The following DOCK10 variants were observed in gnomAD, a reference collection of about 807,000 sequenced individuals.
The protein encoded by DOCK10 is dedicator of cytokinesis protein 10.
A neutral mutation model predicts 280.1 loss-of-function variants in DOCK10; 145 were observed. That is an observed-to-expected ratio of 0.52 (90% CI 0.45 to 0.59). The LOEUF (loss-of-function observed/expected upper bound fraction) is 0.59. Ranked by LOEUF, DOCK10 falls within the 20% of genes least tolerant of loss-of-function variation. The probability of loss-of-function intolerance (pLI) is 0.00; values close to 1 mark genes in which losing one functional copy is unlikely to be tolerated. For missense variants in DOCK10, 2,368 were observed against 2,651.7 expected, an observed-to-expected ratio of 0.89 and a Z score of 2.35; for synonymous variants, 915 against 942.2, an observed-to-expected ratio of 0.97 and a Z score of 0.53.
intron 1 of DOCK10, among the ~76,000 whole-genome samples, chr2:225,007,202 C>T (rs1388002036): frequency 6.6e-6 from 1 of 152,148 alleles, no homozygotes; most frequent in Admixed American, 6.5e-5. Flanking sequence ...ATTTCCTTTT[C>T]CCTGGCCTGA....
intron 25 of DOCK10, among the ~76,000 whole-genome samples, chr2:224,837,470 T>C (rs886759224): frequency 1.8e-4 from 27 of 152,254 alleles, no homozygotes; most frequent in African/African-American, 6.5e-4. Flanking sequence ...GTACTTGTAA[T>C]GTTGACTTCA....
chr2:224,797,894 CT>C lies in DOCK10; in HGVS notation c.4581del (p.Val1528SerfsTer8). On this transcript the variant is annotated frameshift_variant, in exon 42 of 56. Transcript: ENST00000258390. LOFTEE classifies it high-confidence loss of function. ...RVFDTYMLFF[Q>X]VNQSATALKH... Reference sequence around the variant, plus strand: ...TTCAGCGCTGTGGCTGACTGATTGACTTGGAAAAAGAGCATGTAGGTATCAA... The same window carrying C: ...TTCAGCGCTGTGGCTGACTGATTGACTGGAAAAAGAGCATGTAGGTATCAA... The C allele has an allele frequency of 1.2e-6, 2 of 1,613,816 alleles. No individual in the cohort carries two copies. The highest frequency in any genetic ancestry group is 1.7e-6 in the Non-Finnish European group (2 of 1,179,800).
rs536089274 is a variant in DOCK10 at position 225,035,939 on chromosome 2, T to A, written c.123+6313A>T. On this transcript the variant is annotated intron_variant, in intron 1 of 55. Transcript: ENST00000258390. ...TAAGAGGTCCACTCTCATGACCGAATCTACCCCTAATTACCTCCCAAAGGC... is the reference window on the plus strand; with the variant it reads ...TAAGAGGTCCACTCTCATGACCGAAACTACCCCTAATTACCTCCCAAAGGC... Among the ~76,000 whole-genome samples, 8 of 152,052 alleles carry A rather than the reference T, an allele frequency of 5.3e-5. No homozygotes were observed. In the East Asian group the frequency reaches 1.4e-3, roughly 26 times the overall value.
Position 225,018,580 on chromosome 2 carries a change from A to T in DOCK10, c.123+23672T>A, listed in dbSNP as rs1461187387. ...ATATATGTAATATTATATATATATA[A>T]TATATATGTAATATTATATATATAT... On this transcript the variant is annotated intron_variant, in intron 1 of 55. Coordinates refer to ENST00000258390, the MANE Select transcript of DOCK10 (RefSeq NM_014689.3). 2.8e-4 allele frequency among the ~76,000 whole-genome samples: 4 copies of T among 14,118 alleles called. 2 individuals are homozygous for T. Among genetic ancestry groups the T allele is most frequent in the East Asian group, 3.4e-3 (2 of 580 alleles). The allele number at this position is 14,118 out of a possible 152,430, so 9.3% of individuals were successfully genotyped here.
chr2:224,916,984 T>A (rs1185325389), intron 2 of DOCK10, among the ~76,000 whole-genome samples, 200 bp from the exon 3 acceptor site: 1 of 152,132 alleles, frequency 6.6e-6, no homozygotes, highest in East Asian at 1.9e-4. Context: ...GTACTAGTAT[T>A]TTTACAACAG....
At chr2:224,780,194 T>C (rs1479211757) in intron 50 of DOCK10, among the ~76,000 whole-genome samples, 1 of 152,240 alleles carries the variant, frequency 6.6e-6, no homozygotes, top group Non-Finnish European at 1.5e-5. Flanking sequence ...TGTCATATGA[T>C]GTTGAAAGCA....
chr2:224,802,770 CTATT>C (rs2125188622), intron 39 of DOCK10, among the ~76,000 whole-genome samples: 1 of 152,260 alleles, frequency 6.6e-6, no homozygotes, highest in African/African-American at 2.4e-5. Flanking sequence ...GTCATAAAAA[CTATT>C]TATAACAACA....
chr2:224,908,850 C>T (rs1443033297), intron 3 of DOCK10, among the ~76,000 whole-genome samples: 3 of 152,152 alleles, frequency 2.0e-5, no homozygotes, highest in Non-Finnish European at 2.9e-5. Flanking sequence ...GAGTTTTATG[C>T]CATGATCAAA....
intron 7 of DOCK10, among the ~76,000 whole-genome samples, chr2:224,878,943 A>G (rs532133237): frequency 3.3e-5 from 5 of 152,374 alleles, no homozygotes; most frequent in South Asian, 2.1e-4. Flanking sequence ...GGACAAAAAC[A>G]TAGCCAGTCC....
At chr2:224,889,090 A>G (rs944603867) in intron 4 of DOCK10, among the ~76,000 whole-genome samples, 4 of 152,246 alleles carry the variant, frequency 2.6e-5, no homozygotes, top group African/African-American at 9.6e-5. Context: ...TTGTTTTAAG[A>G]TTATTTATAT....
intron 47 of DOCK10, among the ~76,000 whole-genome samples, chr2:224,789,378 C>G (rs1691980964): frequency 6.6e-6 from 1 of 152,086 alleles, no homozygotes; most frequent in African/African-American, 2.4e-5. Context: ...TTTCAGGTGG[C>G]ATTTTTTATA....
intron 33 of DOCK10, among the ~76,000 whole-genome samples, chr2:224,806,870 A>C (rs1228931285): frequency 6.6e-6 from 1 of 152,172 alleles, no homozygotes; most frequent in Non-Finnish European, 1.5e-5. Context: ...TTGGGCTCCC[A>C]AAGTTGATGG....
intron 22 of DOCK10, among the ~76,000 whole-genome samples, chr2:224,843,560 G>A (rs1217678404): frequency 6.6e-6 from 1 of 152,134 alleles, no homozygotes; most frequent in African/African-American, 2.4e-5. Context: ...AGAGGTTGCC[G>A]AGAGAAATTT....
intron 11 of DOCK10, among the ~76,000 whole-genome samples, chr2:224,870,769 G>T (rs982655925): frequency 7.7e-6 from 1 of 129,202 alleles, no homozygotes; most frequent in African/African-American, 3.1e-5. Context: ...CAACATCATT[G>T]TCTGAACTAG....
chr2:224,776,719 C>T (rs1031542504), intron 51 of DOCK10, among the ~76,000 whole-genome samples: 2 of 152,184 alleles, frequency 1.3e-5, no homozygotes, highest in East Asian at 1.9e-4. Flanking sequence ...TCTTCTGCCA[C>T]ACTCTTCTAT....
At chr2:224,898,709 C>T (rs911365201) in intron 3 of DOCK10, among the ~76,000 whole-genome samples, 1 of 152,130 alleles carries the variant, frequency 6.6e-6, no homozygotes, top group Admixed American at 6.5e-5. Flanking sequence ...CCGGAGTAGC[C>T]AGGACTACAG....
chr2:225,028,709 G>C (rs140480869), intron 1 of DOCK10, among the ~76,000 whole-genome samples: 1 of 152,132 alleles, frequency 6.6e-6, no homozygotes, highest in Non-Finnish European at 1.5e-5. Context: ...TAGACTTTTG[G>C]CATAATGTCA....
chr2:224,830,360 C>T (rs999701487), intron 27 of DOCK10, among the ~76,000 whole-genome samples, 181 bp downstream of exon 27: 26 of 152,182 alleles, frequency 1.7e-4, no homozygotes, highest in African/African-American at 5.8e-4. Flanking sequence ...TTGGCATCTG[C>T]TTCTGAAGGG....
chr2:224,792,464 A>G (rs1692266768), intron 47 of DOCK10, among the ~76,000 whole-genome samples: 1 of 152,076 alleles, frequency 6.6e-6, no homozygotes, highest in South Asian at 2.1e-4. Flanking sequence ...TTGTATTTTT[A>G]GTAGAGACCA....
Sources: gnomAD v4.1 joint callset for allele counts (sites outside exome capture counted in the v4.1 genomes callset) on GRCh38, gnomAD v4.1.1 for gene constraint, MANE v1.5 for transcripts, NCBI Gene and HGNC (gene_info 2026-07-23, HGNC 2026-07-21) for gene names.